MKI67: variants seen among roughly 807,000 people sequenced by gnomAD.
MKI67 encodes the protein marker of proliferation Ki-67, also known as proliferation marker protein Ki-67.
MKI67 carries 152 observed loss-of-function variants against 233.5 expected under a neutral mutation model. The observed-to-expected ratio is 0.65, with a 90% CI of 0.57 to 0.74. The LOEUF (loss-of-function observed/expected upper bound fraction) is 0.74, where lower values mean the gene tolerates loss of function less well. Among genes scored for constraint, MKI67 ranks in the 30% least tolerant of loss-of-function variants. The probability of loss-of-function intolerance (pLI) is 0.00; values close to 1 mark genes in which losing one functional copy is unlikely to be tolerated. For synonymous variants in MKI67, 1,465 were observed against 1,418.5 expected (o/e 1.03, Z -0.74); for missense variants, 3,940 against 3,885.2 (o/e 1.01, Z -0.37).
At position 128,102,845 on chromosome 10, in the gene MKI67, C is replaced by A. The variant is rs748238041; in HGVS notation, c.8995G>T (p.Gly2999Ter). Reference sequence around the variant, plus strand: ...GTGACGCTTCCATCTTTGCCACCTCCCCTCTTGAAGGGCAGTGGGGGCAGG... The same window carrying A: ...GTGACGCTTCCATCTTTGCCACCTCACCTCTTGAAGGGCAGTGGGGGCAGG... Reference protein sequence around the residue: ...TSLPPLPFKRGGGKDGSVTGT... With the variant: ...TSLPPLPFKR Residue 2999 changes from glycine (G) to a stop codon, truncating the protein, a stop_gained, in exon 13 of 15, where the codon GGA becomes TGA. Transcript: ENST00000368654. LOFTEE classifies it high-confidence loss of function. 2 of 1,614,068 alleles carry A rather than the reference C, an allele frequency of 1.2e-6. No homozygotes were observed. Among genetic ancestry groups the A allele is most frequent in the Non-Finnish European group, 8.5e-7 (1 of 1,180,046 alleles).
chr10:128,121,375 A>AC (rs1852932783), intron 4 of MKI67, among the ~76,000 whole-genome samples: 1 of 143,852 alleles, frequency 7.0e-6, no homozygotes, highest in Non-Finnish European at 1.5e-5. Flanking sequence ...TATATTATAT[A>AC]TTATATAATA....
At chr10:128,119,667 C>T (rs543897003) in intron 4 of MKI67, among the ~76,000 whole-genome samples, 1 of 152,300 alleles carries the variant, frequency 6.6e-6, no homozygotes, top group South Asian at 2.1e-4. Flanking sequence ...TAGTTTAAGT[C>T]CATGGAAATC....
chr10:128,115,268 A>C lies in MKI67; in HGVS notation c.1140T>G (p.Ser380Arg), dbSNP rs369438946. 1 of 1,613,970 alleles carries C rather than the reference A, an allele frequency of 6.2e-7. No homozygotes were observed. Among genetic ancestry groups the C allele is most frequent in the African/African-American group, 1.3e-5 (1 of 74,888 alleles). The change falls in exon 7 of 15, where the codon AGT (serine) becomes AGG (arginine). Residue 380 changes from serine (S) to arginine (R), a missense_variant. Coordinates refer to ENST00000368654, the MANE Select transcript of MKI67 (RefSeq NM_002417.5). Reference sequence around the variant, plus strand: ...TTTTATCACCAGCCTTGAAGCCTTCACTTTTACCCAGATTCACAGATTCTC... The same window carrying C: ...TTTTATCACCAGCCTTGAAGCCTTCCCTTTTACCCAGATTCACAGATTCTC... The part of the protein sequence containing the change: ...GRRESVNLGK[S>R]EGFKAGDKTL...
In MKI67 at chr10:128,107,477, G is replaced by A. The variant is rs370856434; in HGVS notation, c.4363C>T (p.Pro1455Ser). ...AASVTGSKRH[P>S]KTKEKAQPLE... ...GGTTGGGCCTTTTCCTTAGTTTTTG[G>A]GTGCCTCTTGCTACCAGTTACACTT... The change falls in exon 13 of 15, where the codon CCA (proline) becomes TCA (serine). Residue 1455 changes from proline (P) to serine (S), a missense_variant. By Grantham distance (74) the Pro-to-Ser change is moderately conservative. Transcript: ENST00000368654. 4 of 1,613,496 alleles carry A rather than the reference G, an allele frequency of 2.5e-6. No homozygotes were observed. In the African/African-American group the frequency reaches 4.0e-5, roughly 16 times the overall value.
In MKI67 at chr10:128,125,678, G is replaced by GT; in HGVS notation, c.-12dup. The GT allele has an allele frequency of 1.2e-6, 2 of 1,610,746 alleles. No homozygotes were observed. The highest frequency in any genetic ancestry group is 1.1e-5 in the South Asian group (1 of 91,000). ...TCTCGTGGGCCACATTTTCTAAACAGTAAGTTGAGTATAATCCGTAGGGGA... is the reference window on the plus strand; with the variant it reads ...TCTCGTGGGCCACATTTTCTAAACAGTTAAGTTGAGTATAATCCGTAGGGGA... On this transcript the variant is annotated 5_prime_UTR_variant, in exon 2 of 15. Coordinates refer to ENST00000368654, the MANE Select transcript of MKI67 (RefSeq NM_002417.5). This position sits in a 1 kb window ranked among gnomAD's most constrained non-coding sequence, Gnocchi z 5.3.
In MKI67 at chr10:128,124,557, T is replaced by A. The variant is rs1215389178; in HGVS notation, c.92+1019A>T. 2.6e-5 allele frequency among the ~76,000 whole-genome samples: 4 copies of A among 152,220 alleles called. No individual in the cohort carries two copies. The East Asian group carries it at 5.8e-4, about 22-fold the overall frequency. On this transcript the variant is annotated intron_variant, in intron 2 of 14. Coordinates refer to ENST00000368654, the MANE Select transcript of MKI67 (RefSeq NM_002417.5). ...CCATGGCTCCAGCCCATGTTTCTAC[T>A]GACCCTTGCCAGAATGCTAGGTATT...
chr10:128,120,182 A>G (rs1004511482), intron 4 of MKI67, among the ~76,000 whole-genome samples: 1 of 152,096 alleles, frequency 6.6e-6, no homozygotes, highest in Non-Finnish European at 1.5e-5. Context: ...CAGCCCTCCA[A>G]TAAACATCAA....
At chr10:128,102,497 G>A (rs1269167924) in intron 13 of MKI67, 82 bp downstream of exon 13, 19 of 1,504,398 alleles carry the variant, frequency 1.3e-5, no homozygotes, top group African/African-American at 4.1e-5. Context: ...CACTTATAAC[G>A]TCAGGTTACA....
chr10:128,102,535 C>G lies in MKI67; in HGVS notation c.9261+44G>C, dbSNP rs761770186. ...CAAAGTATAACACAGAAATTCACAACTATCCAAGACGATATTGAGTGATGC... is the reference window on the plus strand; with the variant it reads ...CAAAGTATAACACAGAAATTCACAAGTATCCAAGACGATATTGAGTGATGC... On this transcript the variant is annotated intron_variant, in intron 13 of 14. Coordinates refer to ENST00000368654, the MANE Select transcript of MKI67 (RefSeq NM_002417.5). The G allele has an allele frequency of 5.7e-6, 9 of 1,584,242 alleles. No homozygotes were observed. In the South Asian group the frequency reaches 8.1e-5, roughly 14 times the overall value.
rs745408708 is a variant in MKI67, at chr10:128,105,676, T to C, written c.6164A>G (p.Tyr2055Cys). Residue 2055 changes from tyrosine to cysteine, a missense_variant, in exon 13 of 15, where the codon TAT (tyrosine) becomes TGT (cysteine). By Grantham distance (194) the Tyr-to-Cys change is radical. Coordinates refer to ENST00000368654, the MANE Select transcript of MKI67 (RefSeq NM_002417.5). ...SAKQMLDPAN[Y>C]GTGMERWPRT... The stretch of plus-strand genomic sequence containing the variant: ...TGGCCACCTCTCCATCCCAGTTCCA[T>C]AGTTTGCTGGGTCCAGCATCTGCTT... 2 of 1,613,806 alleles carry C rather than the reference T, an allele frequency of 1.2e-6. No individual in the cohort carries two copies. Among genetic ancestry groups the C allele is most frequent in the East Asian group, 2.2e-5 (1 of 44,850 alleles).
At chr10:128,118,398 A>G (rs1447457904) in intron 5 of MKI67, among the ~76,000 whole-genome samples, 6 of 124,342 alleles carry the variant, frequency 4.8e-5, no homozygotes, top group East Asian at 4.3e-4. Flanking sequence ...TCCGTCTCAG[A>G]AAAAAAAAAA....
Position 128,098,159 on chromosome 10 carries a change from G to A in MKI67, c.*1031C>T, listed in dbSNP as rs1230796533. On this transcript the variant is annotated 3_prime_UTR_variant, in exon 15 of 15. Coordinates refer to ENST00000368654, the MANE Select transcript of MKI67 (RefSeq NM_002417.5). ...AAGTGGAAAGTAAATGAAGATGAACGAGTTATATCTACAAGTCTGAAGCTG... is the reference window on the plus strand; with the variant it reads ...AAGTGGAAAGTAAATGAAGATGAACAAGTTATATCTACAAGTCTGAAGCTG... The A allele has an allele frequency of 2.0e-5, 3 of 152,206 alleles. No individual in the cohort carries two copies. Among genetic ancestry groups the A allele is most frequent in the Admixed American group, 6.5e-5 (1 of 15,268 alleles). 9.4% of individuals were successfully genotyped at this position (152,206 alleles called of 1,614,324 possible).
At chr10:128,116,623 C>A (rs1181005675) in intron 5 of MKI67, 87 bp from the exon 6 acceptor site, 3 of 1,352,012 alleles carry the variant, frequency 2.2e-6, no homozygotes, top group African/African-American at 1.4e-5. Context: ...TTATTGTTTT[C>A]TGGCTGGGCA....
chr10:128,103,925 C>T lies in MKI67; in HGVS notation c.7915G>A (p.Gly2639Ser), dbSNP rs537885553. The T allele has an allele frequency of 7.8e-4, 1,252 of 1,614,006 alleles. 18 individuals carry two copies. The South Asian group carries it at 0.013, about 16-fold the overall frequency. The change falls in exon 13 of 15, where the codon GGT (glycine) becomes AGT (serine). Residue 2639 changes from glycine to serine, a missense_variant. Coordinates refer to ENST00000368654, the MANE Select transcript of MKI67 (RefSeq NM_002417.5). ...STHTHKEPAS[G>S]DEGIKVLKQR... Reference sequence around the variant, plus strand: ...TTCAATACTTTGATGCCCTCATCACCGCTTGCTGGTTCTTTGTGTGTGTGT... The same window carrying T: ...TTCAATACTTTGATGCCCTCATCACTGCTTGCTGGTTCTTTGTGTGTGTGT...
At position 128,108,304 on chromosome 10, in the gene MKI67, G is replaced by A. The variant is rs922525302; in HGVS notation, c.3536C>T (p.Pro1179Leu). 5.0e-6 allele frequency: 8 copies of A among 1,613,982 alleles called. No individual in the cohort carries two copies. Among genetic ancestry groups the A allele is most frequent in the Non-Finnish European group, 6.8e-6 (8 of 1,180,010 alleles). The change falls in exon 13 of 15, where the codon CCA (proline) becomes CTA (leucine). Residue 1179 changes from proline (P) to leucine (L), a missense_variant. Coordinates refer to ENST00000368654, the MANE Select transcript of MKI67 (RefSeq NM_002417.5). ...SAGKAMLTPK[P>L]AGGDEKDIKA... ...AATGTCTTTCTCATCACCTCCTGCTGGTTTGGGCGTAAGCATGGCTTTCCC... is the reference window on the plus strand; with the variant it reads ...AATGTCTTTCTCATCACCTCCTGCTAGTTTGGGCGTAAGCATGGCTTTCCC...
At position 128,103,228 on chromosome 10, in the gene MKI67, G is replaced by T; in HGVS notation, c.8612C>A (p.Thr2871Asn). The T allele has an allele frequency of 6.2e-7, 1 of 1,614,050 alleles. No individual in the cohort carries two copies. Among genetic ancestry groups the T allele is most frequent in the Non-Finnish European group, 8.5e-7 (1 of 1,180,014 alleles). ...LTQTSGETTH[T>N]DKEPVGEGKG... is the part of the protein sequence containing the mutation. Reference sequence around the variant, plus strand: ...GCCCTCACCTACCGGCTCTTTGTCGGTGTGCGTGGTCTCCCCTGAGGTTTG... The same window carrying T: ...GCCCTCACCTACCGGCTCTTTGTCGTTGTGCGTGGTCTCCCCTGAGGTTTG... The change falls in exon 13 of 15, where the codon ACC (threonine) becomes AAC (asparagine). Residue 2871 changes from threonine (T) to asparagine (N), a missense_variant. Transcript: ENST00000368654.
chr10:128,123,388 G>A lies in MKI67; in HGVS notation c.93-219C>T, dbSNP rs1335009. 0.85 allele frequency among the ~76,000 whole-genome samples: 129,619 copies of A among 152,220 alleles called. 55,422 individuals carry two copies. The highest frequency in any genetic ancestry group is 0.92 in the African/African-American group (38,155 of 41,534). ...ATTAGATCTTTAAAACAGAGAGTATGTAAAAACAAGGGAAAACACTAGAAC... is the reference window on the plus strand; with the variant it reads ...ATTAGATCTTTAAAACAGAGAGTATATAAAAACAAGGGAAAACACTAGAAC... On this transcript the variant is annotated intron_variant, in intron 2 of 14. Transcript: ENST00000368654.
chr10:128,107,787 C>T lies in MKI67; in HGVS notation c.4053G>A (p.Glu1351=). 6.2e-7 allele frequency: 1 copy of T among 1,613,986 alleles called. No individual in the cohort carries two copies. The highest frequency in any genetic ancestry group is 2.2e-5 in the East Asian group (1 of 44,854). The change falls in exon 13 of 15, where the codon GAG becomes GAA. Residue 1351 remains glutamate (E), a synonymous_variant. Coordinates refer to ENST00000368654, the MANE Select transcript of MKI67 (RefSeq NM_002417.5). ...CAGTATGACCAGGGGTCTGGAAGAGCTCTTTAAAGCCAGTCAGGTCTTCCA... is the reference window on the plus strand; with the variant it reads ...CAGTATGACCAGGGGTCTGGAAGAGTTCTTTAAAGCCAGTCAGGTCTTCCA... ...QALEDLTGFK[E]LFQTPGHTEE...
In MKI67 at chr10:128,108,973, T is replaced by G; in HGVS notation, c.2867A>C (p.Gln956Pro). Reference sequence around the variant, plus strand: ...CAGGTCAGACATTGGTGCACATTTCTGCCCCCAAGTTCTTGATCTCTTCAT... The same window carrying G: ...CAGGTCAGACATTGGTGCACATTTCGGCCCCCAAGTTCTTGATCTCTTCAT... ...KAMKRSRTWG[Q>P]KCAPMSDLTD... The change falls in exon 13 of 15, where the codon CAG (glutamine) becomes CCG (proline). Residue 956 changes from glutamine to proline, a missense_variant. By Grantham distance (76) the Gln-to-Pro change is moderately conservative. Transcript: ENST00000368654. 1 of 1,614,244 alleles carries G rather than the reference T, an allele frequency of 6.2e-7. No homozygotes were observed. Among genetic ancestry groups the G allele is most frequent in the Non-Finnish European group, 8.5e-7 (1 of 1,180,038 alleles).
Sources: gnomAD v4.1 joint callset for allele counts (sites outside exome capture counted in the v4.1 genomes callset) on GRCh38, gnomAD v4.1.1 for gene constraint, Gnocchi (gnomAD v3.1) non-coding constraint, MANE v1.5 for transcripts, NCBI Gene and HGNC (gene_info 2026-07-23, HGNC 2026-07-21) for gene names.